MRPL42: variants seen among roughly 807,000 people sequenced by gnomAD.
The protein encoded by MRPL42 is mitochondrial ribosomal protein L42, also known as large ribosomal subunit protein mL42.
MRPL42 carries 17 observed loss-of-function variants against 17.9 expected under a neutral mutation model. The observed-to-expected ratio is 0.95, with a 90% CI of 0.65 to 1.42. MRPL42 has a LOEUF of 1.42. MRPL42 is among the 40% of genes most tolerant of loss of function. MRPL42 has a pLI of 0.00. For missense variants in MRPL42, 177 were observed against 175.2 expected, an observed-to-expected ratio of 1.01 and a Z score of -0.06; for synonymous variants, 59 against 54.4, an observed-to-expected ratio of 1.08 and a Z score of -0.37.
At chr12:93,480,198 GCAGCCTCCACCT>G (rs1193398226) in intron 4 of MRPL42, among the ~76,000 whole-genome samples, 16 of 152,056 alleles carry the variant, frequency 1.1e-4, no homozygotes, top group Admixed American at 7.9e-4. Context: ...CCGGCTCACT[GCAGCCTCCACCT>G]CCTGGGTTCA....
At chr12:93,494,863 G>A (rs951339941) in intron 5 of MRPL42, among the ~76,000 whole-genome samples, 3 of 152,194 alleles carry the variant, frequency 2.0e-5, no homozygotes, top group Non-Finnish European at 2.9e-5. Context: ...CTTTAGATAT[G>A]TAAAAAGAAT....
At chr12:93,490,877 ATTTTAT>A (rs1041333615) in intron 5 of MRPL42, among the ~76,000 whole-genome samples, 4 of 152,142 alleles carry the variant, frequency 2.6e-5, no homozygotes, top group Non-Finnish European at 2.9e-5. Context: ...TATAAAACAC[ATTTTAT>A]TTTTATTTTT....
rs982814392 is a variant in MRPL42 at position 93,503,770 on chromosome 12, A to G, written c.*2549A>G. ...CAAAAATAAAAATAGAGCTCATAAT[A>G]TATGCTGTTTTGTAATGCTTTTTTC... On this transcript the variant is annotated 3_prime_UTR_variant, in exon 6 of 6. Transcript: ENST00000549982. 2.0e-5 allele frequency: 3 copies of G among 151,712 alleles called. No individual in the cohort carries two copies. The highest frequency in any genetic ancestry group is 2.9e-5 in the Non-Finnish European group (2 of 67,958). The allele number at this position is 151,712 out of a possible 1,614,324, so 9.4% of individuals were successfully genotyped here.
rs1953646326 is a variant in MRPL42, at chr12:93,504,558, A to G, written c.*3337A>G. On this transcript the variant is annotated 3_prime_UTR_variant, in exon 6 of 6. Transcript: ENST00000549982. ...AAAGACTGGAAAATGTTTTAATTTG[A>G]TCAGCCACTTTAATGTATGTCTCAT... The G allele has an allele frequency of 6.6e-6, 1 of 152,222 alleles. No individual in the cohort carries two copies. Among genetic ancestry groups the G allele is most frequent in the Non-Finnish European group, 1.5e-5 (1 of 68,038 alleles). The allele number at this position is 152,222 out of a possible 1,614,324, so 9.4% of individuals were successfully genotyped here.
intron 4 of MRPL42, among the ~76,000 whole-genome samples, chr12:93,486,023 T>C (rs998710752): frequency 2.6e-5 from 4 of 151,384 alleles, no homozygotes; most frequent in African/African-American, 9.8e-5. Context: ...TTAAATTTTT[T>C]GTAGAGATGT....
chr12:93,477,010 T>C lies in MRPL42; in HGVS notation c.127T>C (p.Tyr43His), dbSNP rs1304663887. ...TACGTATTCTCCTCTACCAGATGAC[T>C]ATAATTGGTATGTATTAAAATTCAA... ...KSTYSPLPDD[Y>H]NCNVELALTS... The change falls in exon 3 of 6, where the codon TAT (tyrosine) becomes CAT (histidine). Residue 43 changes from tyrosine (Y) to histidine (H), a missense_variant. Tyr to His is a moderately conservative substitution (Grantham distance 83). Transcript: ENST00000549982. 6.3e-7 allele frequency: 1 copy of C among 1,579,934 alleles called. No homozygotes were observed.
At chr12:93,469,005 G>A (rs1050610590) in intron 1 of MRPL42, among the ~76,000 whole-genome samples, 187 bp from the exon 2 acceptor site, 1 of 152,144 alleles carries the variant, frequency 6.6e-6, no homozygotes, top group Non-Finnish European at 1.5e-5. Context: ...TAGTTCCAGT[G>A]GTTCTGATCT....
rs941089228 is a variant in MRPL42 at position 93,504,153 on chromosome 12, T to C, written c.*2932T>C. ...TCAGTGGTTTAAACTGTATACTTTT[T>C]GGGTTTTGGAGATGGAGGTTTGCTC... is the stretch of plus-strand genomic sequence containing the variant. On this transcript the variant is annotated 3_prime_UTR_variant, in exon 6 of 6. Coordinates refer to ENST00000549982, the MANE Select transcript of MRPL42 (RefSeq NM_014050.4). The C allele has an allele frequency of 1.9e-5, 3 of 154,100 alleles. No individual in the cohort carries two copies. The highest frequency in any genetic ancestry group is 7.2e-5 in the African/African-American group (3 of 41,472). 9.5% of individuals were successfully genotyped at this position (154,100 alleles called of 1,614,324 possible). A position where few individuals can be genotyped will look rare whatever the true frequency, so the allele number is the denominator to read the frequency against.
chr12:93,496,536 G>T (rs1953508477), intron 5 of MRPL42, among the ~76,000 whole-genome samples: 1 of 149,172 alleles, frequency 6.7e-6, no homozygotes, highest in Admixed American at 6.8e-5. Flanking sequence ...AAGAAAGTAA[G>T]ATAAGAGCAA....
chr12:93,470,586 A>C lies in MRPL42; in HGVS notation c.70+1231A>C, dbSNP rs1010507370. 3 of 1,235,494 alleles carry C rather than the reference A, an allele frequency of 2.4e-6. No individual in the cohort carries two copies. The African/African-American group carries it at 4.7e-5, about 19-fold the overall frequency. The allele number at this position is 1,235,494 out of a possible 1,614,324, so 76.5% of individuals were successfully genotyped here. A position where few individuals can be genotyped will look rare whatever the true frequency, so the allele number is the denominator to read the frequency against. On this transcript the variant is annotated intron_variant, in intron 2 of 5. Transcript: ENST00000549982. ...CACCCAAATAGTGAACATAGTACCC[A>C]ATAGGTAGTTTTTCAACTCTTCCCT...
In MRPL42 at chr12:93,514,672, A is replaced by G. The variant is rs1018565344; in HGVS notation, c.*13451A>G. On this transcript the variant is annotated 3_prime_UTR_variant, in exon 6 of 6. Coordinates refer to ENST00000549982, the MANE Select transcript of MRPL42 (RefSeq NM_014050.4). ...GACTTGATTCTCCCCCTGAATCTAT[A>G]TGAAATAAATTTACTCCTATTTGAA... 6.6e-6 allele frequency: 1 copy of G among 152,180 alleles called. No individual in the cohort carries two copies. The highest frequency in any genetic ancestry group is 2.4e-5 in the African/African-American group (1 of 41,452). The allele number at this position is 152,180 out of a possible 1,614,324, so 9.4% of individuals were successfully genotyped here. A position where few individuals can be genotyped will look rare whatever the true frequency, so the allele number is the denominator to read the frequency against.
chr12:93,490,323 T>A (rs1406367441), intron 5 of MRPL42, among the ~76,000 whole-genome samples: 1 of 152,226 alleles, frequency 6.6e-6, no homozygotes, highest in African/African-American at 2.4e-5. Flanking sequence ...TAATTTAATC[T>A]CCTGATATTT....
rs1953738148 is a variant in MRPL42 at position 93,512,954 on chromosome 12, A to G, written c.*11733A>G. The G allele has an allele frequency of 6.6e-6, 1 of 152,230 alleles. No homozygotes were observed. Among genetic ancestry groups the G allele is most frequent in the Non-Finnish European group, 1.5e-5 (1 of 68,040 alleles). The allele number at this position is 152,230 out of a possible 1,614,324, so 9.4% of individuals were successfully genotyped here. A position where few individuals can be genotyped will look rare whatever the true frequency, so the allele number is the denominator to read the frequency against. ...CACACCACTTGCTTCATTTTGGATA[A>G]AAGTTAAAAGTGAATATTCTGAGTA... On this transcript the variant is annotated 3_prime_UTR_variant, in exon 6 of 6. Transcript: ENST00000549982.
rs779419136 is a variant in MRPL42, at chr12:93,476,990, A to G, written c.107A>G (p.Tyr36Cys). 2.5e-6 allele frequency: 4 copies of G among 1,607,816 alleles called. No homozygotes were observed. The highest frequency in any genetic ancestry group is 1.8e-4 in the Middle Eastern group (1 of 5,654). ...ALYCVCHKST[Y>C]SPLPDDYNCN... ...TATTGTGTTTGTCATAAATCTACGT[A>G]TTCTCCTCTACCAGATGACTATAAT... The change falls in exon 3 of 6, where the codon TAT becomes TGT. Residue 36 changes from tyrosine to cysteine, a missense_variant. Physicochemically the swap from Tyr to Cys is radical, Grantham distance 194 (BLOSUM62 -2). Transcript: ENST00000549982.
rs530459091 is a variant in MRPL42, at chr12:93,505,432, T to G, written c.*4211T>G. On this transcript the variant is annotated 3_prime_UTR_variant, in exon 6 of 6. Transcript: ENST00000549982. ...CTGGTAGTAAGCAAACTATTTTATT[T>G]GCTAAAGGCATAAATAAATGTCTCC... 3.3e-5 allele frequency: 5 copies of G among 152,328 alleles called. No homozygotes were observed. The East Asian group carries it at 7.7e-4, about 23-fold the overall frequency. The allele number at this position is 152,328 out of a possible 1,614,324, so 9.4% of individuals were successfully genotyped here.
Position 93,507,472 on chromosome 12 carries a change from A to G in MRPL42, c.*6251A>G, listed in dbSNP as rs1411293667. The stretch of plus-strand genomic sequence containing the variant: ...TGCTTATAAGTGTTTAAAATGACTT[A>G]ATGGGTTCTATCTTTTAAGGGAACT... On this transcript the variant is annotated 3_prime_UTR_variant, in exon 6 of 6. Transcript: ENST00000549982. 6.6e-6 allele frequency: 1 copy of G among 152,212 alleles called. No individual in the cohort carries two copies. Among genetic ancestry groups the G allele is most frequent in the Non-Finnish European group, 1.5e-5 (1 of 68,042 alleles). 9.4% of individuals were successfully genotyped at this position (152,212 alleles called of 1,614,324 possible). A position where few individuals can be genotyped will look rare whatever the true frequency, so the allele number is the denominator to read the frequency against.
chr12:93,479,103 TG>T (rs1158194285), intron 3 of MRPL42, among the ~76,000 whole-genome samples: 1 of 151,562 alleles, frequency 6.6e-6, no homozygotes, highest in Non-Finnish European at 1.5e-5. Flanking sequence ...GGCTAATATT[TG>T]TATTTTTAGT....
Position 93,510,879 on chromosome 12 carries a change from T to C in MRPL42, c.*9658T>C, listed in dbSNP as rs1953719576. 6.6e-6 allele frequency: 1 copy of C among 152,210 alleles called. No homozygotes were observed. 9.4% of individuals were successfully genotyped at this position (152,210 alleles called of 1,614,324 possible). On this transcript the variant is annotated 3_prime_UTR_variant, in exon 6 of 6. Coordinates refer to ENST00000549982, the MANE Select transcript of MRPL42 (RefSeq NM_014050.4). Reference sequence around the variant, plus strand: ...GGGGGACCAGTGTTAAGATTAGATCTGTTTAAAGAGAAAGGAGAGAAAGTT... The same window carrying C: ...GGGGGACCAGTGTTAAGATTAGATCCGTTTAAAGAGAAAGGAGAGAAAGTT...
At chr12:93,476,005 C>CA (rs1442448915) in intron 2 of MRPL42, among the ~76,000 whole-genome samples, 2 of 151,674 alleles carry the variant, frequency 1.3e-5, no homozygotes, top group Non-Finnish European at 2.9e-5. Context: ...ACAACAACAA[C>CA]AAAAAAAGAA....
Sources: gnomAD v4.1 joint callset for allele counts (sites outside exome capture counted in the v4.1 genomes callset) on GRCh38, gnomAD v4.1.1 for gene constraint, MANE v1.5 for transcripts, NCBI Gene and HGNC (gene_info 2026-07-23, HGNC 2026-07-21) for gene names.